Variants in BMF observed in about 807,000 individuals in gnomAD.
BMF encodes the protein bcl-2-modifying factor.
Under a neutral mutation model 22.0 loss-of-function variants are expected in BMF, and 10 were observed. The ratio of observed to expected loss-of-function variants is 0.45; its 90% confidence interval spans 0.28 to 0.77. BMF has a LOEUF of 0.77. Among genes scored for constraint, BMF ranks in the 30% least tolerant of loss-of-function variants. The pLI is 0.13. For missense variants in BMF, 206 were observed against 226.8 expected (o/e 0.91, Z 0.59); for synonymous variants, 87 against 88.1 (o/e 0.99, Z 0.07).
intron 2 of BMF, among the ~76,000 whole-genome samples, chr15:40,107,004 G>C (rs992123798): frequency 2.6e-5 from 4 of 152,176 alleles, no homozygotes; most frequent in Admixed American, 2.6e-4. Flanking sequence ...CCCTCTCCCT[G>C]TGACCTCACT....
intron 4 of BMF, among the ~76,000 whole-genome samples, chr15:40,103,532 G>A (rs1434536080): frequency 2.6e-5 from 4 of 152,216 alleles, no homozygotes; most frequent in African/African-American, 9.6e-5. Context: ...CGGCTGACAC[G>A]TGATGCCCCG....
In BMF at chr15:40,089,082, CA is replaced by C. The variant is rs2036185695; in HGVS notation, c.*2704del. On this transcript the variant is annotated 3_prime_UTR_variant, in exon 5 of 5. Coordinates refer to ENST00000354670, the MANE Select transcript of BMF (RefSeq NM_001003940.2). ...CACCCTCAGCAAGCCACAAAGCCTC[CA>C]CCGTCTTCAGCTGGTTACAGGTCAG... The C allele has an allele frequency of 6.6e-6, 1 of 152,670 alleles. No homozygotes were observed. The highest frequency in any genetic ancestry group is 1.5e-5 in the Non-Finnish European group (1 of 68,072). The allele number at this position is 152,670 out of a possible 1,614,324, so 9.5% of individuals were successfully genotyped here.
At chr15:40,099,831 C>T (rs934126559) in intron 4 of BMF, among the ~76,000 whole-genome samples, 5 of 149,204 alleles carry the variant, frequency 3.4e-5, no homozygotes, top group Non-Finnish European at 7.4e-5. Flanking sequence ...GATTTGCCCA[C>T]GAACACATAA....
rs950929108 is a variant in BMF at position 40,090,689 on chromosome 15, G to A, written c.*1098C>T. On this transcript the variant is annotated 3_prime_UTR_variant, in exon 5 of 5. Coordinates refer to ENST00000354670, the MANE Select transcript of BMF (RefSeq NM_001003940.2). ...TATCTGTTACTCTAAAAGTCACTTA[G>A]CTGGCAAAGCCACTGTCCTGGCTTC... 4.6e-5 allele frequency: 7 copies of A among 152,348 alleles called. 1 individual carries two copies. Among genetic ancestry groups the A allele is most frequent in the African/African-American group, 1.4e-4 (6 of 41,564 alleles). 9.4% of individuals were successfully genotyped at this position (152,348 alleles called of 1,614,324 possible).
intron 4 of BMF, among the ~76,000 whole-genome samples, chr15:40,098,837 G>C (rs2036417091): frequency 6.6e-6 from 1 of 152,176 alleles, no homozygotes; most frequent in Non-Finnish European, 1.5e-5. Flanking sequence ...GAACTACAAG[G>C]CCCTTCTCCT....
rs141580295 is a variant in BMF, at chr15:40,100,072, C to G, written c.453+4108G>C. ...TCCAACATGAAGAATTCCAACCCTC[C>G]TGTAGCTTTACTCACTCGACTGTTT... On this transcript the variant is annotated intron_variant, in intron 4 of 4. Transcript: ENST00000354670. Among the ~76,000 whole-genome samples, 393 of 152,346 alleles carry G rather than the reference C, an allele frequency of 2.6e-3. 2 individuals carry two copies. Among genetic ancestry groups the G allele is most frequent in the South Asian group, 5.8e-3 (28 of 4,822 alleles).
intron 4 of BMF, among the ~76,000 whole-genome samples, chr15:40,093,270 C>A (rs1014345805): frequency 6.9e-6 from 1 of 145,162 alleles, no homozygotes; most frequent in Non-Finnish European, 1.6e-5. Context: ...CAGGTGAACA[C>A]GGAATGCCCC....
chr15:40,099,182 A>C (rs985498172), intron 4 of BMF, among the ~76,000 whole-genome samples: 1 of 152,210 alleles, frequency 6.6e-6, no homozygotes, highest in Admixed American at 6.5e-5. Flanking sequence ...TAGCCAGCTT[A>C]AGTTCCAGAA....
At chr15:40,095,197 C>T (rs554458448) in intron 4 of BMF, among the ~76,000 whole-genome samples, 1 of 152,328 alleles carries the variant, frequency 6.6e-6, no homozygotes, top group South Asian at 2.1e-4. Flanking sequence ...TCAGGGCAGC[C>T]CTCACAAGAC....
chr15:40,089,211 T>C lies in BMF; in HGVS notation c.*2576A>G, dbSNP rs1363267740. The stretch of plus-strand genomic sequence containing the variant: ...GGGATGGAGTCTGAGGGGGTGGAGG[T>C]CGGGGGGGAGGGGCAGGTCTCCTGA... On this transcript the variant is annotated 3_prime_UTR_variant, in exon 5 of 5. Transcript: ENST00000354670. The C allele has an allele frequency of 1.4e-5, 2 of 142,512 alleles. No individual in the cohort carries two copies. Among genetic ancestry groups the C allele is most frequent in the East Asian group, 2.2e-4 (1 of 4,518 alleles). 8.8% of individuals were successfully genotyped at this position (142,512 alleles called of 1,614,324 possible).
chr15:40,103,089 G>A (rs1047868425), intron 4 of BMF, among the ~76,000 whole-genome samples: 3 of 152,168 alleles, frequency 2.0e-5, no homozygotes, highest in African/African-American at 7.2e-5. Context: ...ACTGGTAATG[G>A]TTTGACCCTT....
intron 4 of BMF, among the ~76,000 whole-genome samples, chr15:40,096,662 G>C (rs773011447): frequency 6.6e-6 from 1 of 152,140 alleles, no homozygotes; most frequent in Non-Finnish European, 1.5e-5. Context: ...TGACTCCAAA[G>C]CTATGTTCCT....
intron 4 of BMF, among the ~76,000 whole-genome samples, chr15:40,099,733 G>A (rs1006829856): frequency 2.2e-5 from 3 of 135,090 alleles, no homozygotes; most frequent in East Asian, 2.1e-4. Context: ...AGCCGAGATC[G>A]CACCACTGTA....
rs945125304 is a variant in BMF at position 40,087,941 on chromosome 15, TATACACAC to T, written c.*3838_*3845del. The T allele has an allele frequency of 7.2e-5, 11 of 152,386 alleles. No homozygotes were observed. Among genetic ancestry groups the T allele is most frequent in the Admixed American group, 2.0e-4 (3 of 15,306 alleles). 9.4% of individuals were successfully genotyped at this position (152,386 alleles called of 1,614,324 possible). A position where few individuals can be genotyped will look rare whatever the true frequency, so the allele number is the denominator to read the frequency against. On this transcript the variant is annotated 3_prime_UTR_variant, in exon 5 of 5. Transcript: ENST00000354670. ...TTGTACCAATTGATGGGGGGAAAGA[TATACACAC>T]ATACACACATATGCATGTGAAGAAC...
chr15:40,105,332 T>C (rs1188442118), intron 3 of BMF, among the ~76,000 whole-genome samples: 1 of 152,222 alleles, frequency 6.6e-6, no homozygotes, highest in Non-Finnish European at 1.5e-5. Context: ...GCCCAACCTC[T>C]TTCTCCAGTT....
chr15:40,096,694 TTTA>T (rs2036369033), intron 4 of BMF, among the ~76,000 whole-genome samples: 1 of 152,214 alleles, frequency 6.6e-6, no homozygotes, highest in Non-Finnish European at 1.5e-5. Context: ...TTACAGTGTG[TTTA>T]TTGACATTAT....
chr15:40,102,568 C>T (rs1038255543), intron 4 of BMF, among the ~76,000 whole-genome samples: 1 of 152,120 alleles, frequency 6.6e-6, no homozygotes, highest in African/African-American at 2.4e-5. Context: ...CCTATAGAGG[C>T]TCACCAGTGG....
intron 4 of BMF, among the ~76,000 whole-genome samples, chr15:40,093,749 T>C (rs1007045761): frequency 5.3e-5 from 8 of 152,084 alleles, no homozygotes; most frequent in African/African-American, 1.4e-4. Context: ...CACCTCATAA[T>C]AGTAACGTGG....
chr15:40,093,271 G>A (rs545096431), intron 4 of BMF, among the ~76,000 whole-genome samples: 18 of 145,062 alleles, frequency 1.2e-4, no homozygotes, highest in South Asian at 2.3e-4. Flanking sequence ...AGGTGAACAC[G>A]GAATGCCCCC....
Sources: allele counts gnomAD v4.1 joint callset (sites outside exome capture counted in the v4.1 genomes callset), GRCh38; gene constraint gnomAD v4.1.1; transcripts MANE v1.5; gene names NCBI Gene and HGNC (gene_info 2026-07-23, HGNC 2026-07-21).